The following ABCA8 variants were observed in gnomAD, a reference collection of about 807,000 sequenced individuals.
ABCA8 encodes the protein ABC-type organic anion transporter ABCA8.
Under a neutral mutation model 192.3 loss-of-function variants are expected in ABCA8, and 177 were observed. The ratio of observed to expected loss-of-function variants is 0.92; its 90% CI spans 0.81 to 1.04. The LOEUF is 1.04. Among genes scored for constraint, ABCA8 ranks in the 50% least tolerant of loss-of-function variants. The pLI, the probability that ABCA8 is intolerant of heterozygous loss-of-function variation, is 0.00. For synonymous variants in ABCA8, 642 were observed against 690.2 expected, an observed-to-expected ratio of 0.93 and a Z score of 1.09; for missense variants, 1,915 against 1,904.8, an observed-to-expected ratio of 1.01 and a Z score of -0.10.
intron 11 of ABCA8, 104 bp from the exon 12 acceptor site, chr17:68,922,404 A>C: frequency 1.2e-6 from 1 of 806,206 alleles, no homozygotes; most frequent in Non-Finnish European, 1.9e-6. Flanking sequence ...ATACATGAAG[A>C]TCTGGGTCTT....
At chr17:68,868,206 A>G in intron 39 of ABCA8, 23 bp from the exon 40 acceptor site, 1 of 1,610,608 alleles carries the variant, frequency 6.2e-7, no homozygotes, top group Non-Finnish European at 8.5e-7. Context: ...AAGGAAATAA[A>G]GAGAGGAGAA....
chr17:68,867,826 T>C lies in ABCA8; in HGVS notation c.*259A>G. On this transcript the variant is annotated 3_prime_UTR_variant, in exon 40 of 40. Coordinates refer to ENST00000586539, the MANE Select transcript of ABCA8 (RefSeq NM_001288985.2). ...ATACGATCATGTAAAAGTAAATTTA[T>C]TTATTCAGTATTATACAGAACAATG... The C allele has an allele frequency of 3.5e-6, 1 of 283,128 alleles. No homozygotes were observed. Among genetic ancestry groups the C allele is most frequent in the Non-Finnish European group, 6.5e-6 (1 of 154,638 alleles). The allele number at this position is 283,128 out of a possible 1,614,324, so 17.5% of individuals were successfully genotyped here.
chr17:68,921,555 C>G (rs2067534780), intron 12 of ABCA8, 63 bp from the exon 13 acceptor site: 1 of 1,036,572 alleles, frequency 9.6e-7, no homozygotes, highest in Admixed American at 2.0e-5. Flanking sequence ...ATTAAAACCA[C>G]AAAAAATATT....
At chr17:68,946,067 A>G (rs971353442) in intron 2 of ABCA8, among the ~76,000 whole-genome samples, 1 of 151,466 alleles carries the variant, frequency 6.6e-6, no homozygotes, top group Non-Finnish European at 1.5e-5. Context: ...TTAATTAATT[A>G]ATTAATTAAT....
At chr17:68,885,466 G>A in intron 26 of ABCA8, 151 bp from the exon 27 acceptor site, 2 of 714,978 alleles carry the variant, frequency 2.8e-6, no homozygotes, top group Non-Finnish European at 2.2e-6. Flanking sequence ...TTATTTTAGT[G>A]ACTTAGCCAA....
At chr17:68,926,339 TG>T (rs1186319520) in intron 10 of ABCA8, among the ~76,000 whole-genome samples, 1 of 151,876 alleles carries the variant, frequency 6.6e-6, no homozygotes, top group Non-Finnish European at 1.5e-5. Context: ...ACAACCAGGA[TG>T]TTTTAATAAG....
chr17:68,884,378 A>G lies in ABCA8; in HGVS notation c.3568T>C (p.Phe1190Leu). 6.3e-7 allele frequency: 1 copy of G among 1,592,800 alleles called. No homozygotes were observed. The highest frequency in any genetic ancestry group is 8.5e-7 in the Non-Finnish European group (1 of 1,172,930). Residue 1190 changes from phenylalanine to leucine, a missense_variant, in exon 28 of 40, where the codon TTT becomes CTT. Transcript: ENST00000586539. ...TGTACATCCATTCGTTCTTCAGAAAAGAGAGAAGAAAAGAGAAGCTGCAAA... is the reference window on the plus strand; with the variant it reads ...TGTACATCCATTCGTTCTTCAGAAAGGAGAGAAGAAAAGAGAAGCTGCAAA... Reference protein sequence around the residue: ...LSSHLLFSSLFSEERMDVQPF... With the variant: ...LSSHLLFSSLLSEERMDVQPF...
chr17:68,905,168 T>C (rs898834466), intron 19 of ABCA8, among the ~76,000 whole-genome samples: 1 of 152,216 alleles, frequency 6.6e-6, no homozygotes, highest in African/African-American at 2.4e-5. Flanking sequence ...GGAAGAGTCA[T>C]GCCATTTTCT....
intron 19 of ABCA8, among the ~76,000 whole-genome samples, chr17:68,904,025 C>T (rs1442785705): frequency 6.6e-6 from 1 of 152,004 alleles, no homozygotes; most frequent in Non-Finnish European, 1.5e-5. Context: ...TATCAAACCT[C>T]AAAAAGCACA....
intron 17 of ABCA8, 118 bp from the exon 18 acceptor site, chr17:68,907,997 A>G (rs1253953561): frequency 2.0e-6 from 2 of 992,784 alleles, no homozygotes; most frequent in Non-Finnish European, 2.7e-6. Flanking sequence ...AATGCCAGAA[A>G]TAGGTCAGAC....
chr17:68,929,470 GA>G, intron 8 of ABCA8, 90 bp downstream of exon 8: 15 of 1,384,312 alleles, frequency 1.1e-5, no homozygotes, highest in South Asian at 4.5e-5. Context: ...AGAGTAGGTA[GA>G]AAAAAAAGGA....
In ABCA8 at chr17:68,902,859, C is replaced by G. The variant is rs1284166901; in HGVS notation, c.2618G>C (p.Gly873Ala). ...LLALLLILMA[G>A]FCPLLVEYTM... ...ATACTCCACAAGAAGAGGGCAAAAT[C>G]CAGCCATTAGAATTAATAGCCTACA... The change falls in exon 21 of 40, where the codon GGA becomes GCA. Residue 873 changes from glycine to alanine, a missense_variant. Coordinates refer to ENST00000586539, the MANE Select transcript of ABCA8 (RefSeq NM_001288985.2). 1 of 1,612,270 alleles carries G rather than the reference C, an allele frequency of 6.2e-7. No individual in the cohort carries two copies. The highest frequency in any genetic ancestry group is 2.2e-5 in the East Asian group (1 of 44,830).
In ABCA8 at chr17:68,917,468, G is replaced by T; in HGVS notation, c.2048-17C>A. 6.3e-7 allele frequency: 1 copy of T among 1,585,602 alleles called. No individual in the cohort carries two copies. The highest frequency in any genetic ancestry group is 1.1e-5 in the South Asian group (1 of 88,408). The stretch of plus-strand genomic sequence containing the variant: ...CTTTCCTGTCTGAAAAAGAAGAAGA[G>T]CAAAGAAGAAAGTTTGTTAAAAAGT... On this transcript the variant is annotated splice_polypyrimidine_tract_variant and intron_variant, in intron 16 of 39. Coordinates refer to ENST00000586539, the MANE Select transcript of ABCA8 (RefSeq NM_001288985.2).
At chr17:68,885,164 A>G (rs775192973) in intron 27 of ABCA8, 32 bp downstream of exon 27, 10 of 1,589,196 alleles carry the variant, frequency 6.3e-6, no homozygotes, top group Non-Finnish European at 7.7e-6. Context: ...CATGAGTTTC[A>G]AGGGACTGGG....
At chr17:68,914,786 CA>C (rs2067313729) in intron 17 of ABCA8, among the ~76,000 whole-genome samples, 1 of 151,520 alleles carries the variant, frequency 6.6e-6, no homozygotes, top group Non-Finnish European at 1.5e-5. Context: ...GAATAAAAAA[CA>C]AACAAACTAA....
rs1326166002 is a variant in ABCA8, at chr17:68,882,684, G to T, written c.3743C>A (p.Pro1248Gln). ...SPRSSDVCQN[P>Q]EEPEGEDEDV... ...TTCATCCTCTCCTTCTGGTTCTTCT[G>T]GATTTTGACACACATCACTACTTCT... Residue 1248 changes from proline (P) to glutamine (Q), a missense_variant, in exon 30 of 40, where the codon CCA becomes CAA. Physicochemically the swap from Pro to Gln is moderately conservative, Grantham distance 76 (BLOSUM62 -1). Transcript: ENST00000586539. 1 of 1,612,436 alleles carries T rather than the reference G, an allele frequency of 6.2e-7. No homozygotes were observed. The highest frequency in any genetic ancestry group is 8.5e-7 in the Non-Finnish European group (1 of 1,179,222).
At chr17:68,944,643 T>G (rs1325400920) in intron 2 of ABCA8, 3 of 151,758 alleles carry the variant, frequency 2.0e-5, no homozygotes, top group Non-Finnish European at 4.4e-5. Context: ...TGCTAAGTTA[T>G]GGGTAGAAGC....
At chr17:68,900,538 C>CAAAAAAAAA (rs35696026) in intron 21 of ABCA8, among the ~76,000 whole-genome samples, 2 of 108,882 alleles carry the variant, frequency 1.8e-5, no homozygotes, top group Non-Finnish European at 1.9e-5. Context: ...CACAAAGTCT[C>CAAAAAAAAA]AAAAAAAAAA....
intron 17 of ABCA8, among the ~76,000 whole-genome samples, chr17:68,908,605 T>C (rs917336478): frequency 6.6e-6 from 1 of 152,200 alleles, no homozygotes; most frequent in Non-Finnish European, 1.5e-5. Context: ...TTGCTTTTCT[T>C]GTAATGCTAA....
Sources: allele counts gnomAD v4.1 joint callset (sites outside exome capture counted in the v4.1 genomes callset), GRCh38; gene constraint gnomAD v4.1.1; transcripts MANE v1.5; gene names NCBI Gene and HGNC (gene_info 2026-07-23, HGNC 2026-07-21).